Variants in THSD7B observed in about 807,000 individuals in gnomAD.
THSD7B encodes thrombospondin type-1 domain-containing protein 7B.
A neutral mutation model predicts 213.6 loss-of-function variants in THSD7B; 138 were observed. The ratio of observed to expected loss-of-function variants is 0.65; its 90% CI spans 0.56 to 0.74. The LOEUF is 0.74. Among genes scored for constraint, THSD7B ranks in the 30% least tolerant of loss-of-function variants. THSD7B has a pLI of 0.00. For missense variants in THSD7B, 1,931 were observed against 1,991.5 expected, an observed-to-expected ratio of 0.97 and a Z score of 0.58; for synonymous variants, 742 against 687.0, an observed-to-expected ratio of 1.08 and a Z score of -1.25.
At chr2:137,074,087 A>G (rs367547375) in intron 3 of THSD7B, among the ~76,000 whole-genome samples, 10,940 of 145,464 alleles carry the variant, frequency 0.075, 610 homozygotes, top group African/African-American at 0.15. Flanking sequence ...GAGTTTTGTA[A>G]ATGTCTATTA....
intron 12 of THSD7B, among the ~76,000 whole-genome samples, chr2:137,364,619 A>T (rs746280331): frequency 7.5e-4 from 114 of 152,226 alleles, no homozygotes; most frequent in Admixed American, 4.6e-4. Flanking sequence ...GAGCCAAATC[A>T]TGAGTAATCT....
chr2:137,034,496 C>T (rs1457633073), intron 2 of THSD7B, among the ~76,000 whole-genome samples: 6 of 152,022 alleles, frequency 3.9e-5, no homozygotes, highest in Non-Finnish European at 8.8e-5. Context: ...ATACATGGGC[C>T]GAAGTGGTTT....
chr2:137,304,352 A>G (rs970560737), intron 12 of THSD7B, among the ~76,000 whole-genome samples: 6 of 152,308 alleles, frequency 3.9e-5, no homozygotes, highest in Middle Eastern at 3.4e-3. Context: ...AATTTTGAGA[A>G]GTAGAGATGC....
chr2:137,304,260 TA>T (rs1449264009), intron 12 of THSD7B, among the ~76,000 whole-genome samples: 1 of 152,140 alleles, frequency 6.6e-6, no homozygotes, highest in Admixed American at 6.5e-5. Context: ...CACTAATGTC[TA>T]AACACCAAGC....
intron 2 of THSD7B, among the ~76,000 whole-genome samples, chr2:136,923,854 C>T (rs1684477618): frequency 6.6e-6 from 1 of 152,126 alleles, no homozygotes; most frequent in African/African-American, 2.4e-5. Context: ...TGGATACTAA[C>T]TCCTTATCAG....
At chr2:137,593,949 G>GTGGAA (rs1253846413) in intron 17 of THSD7B, among the ~76,000 whole-genome samples, 7 of 152,070 alleles carry the variant, frequency 4.6e-5, no homozygotes, top group Non-Finnish European at 8.8e-5. Flanking sequence ...TTATGTATGT[G>GTGGAA]TGGAATGGTT....
At chr2:137,583,901 G>T (rs895128161) in intron 17 of THSD7B, among the ~76,000 whole-genome samples, 1 of 152,162 alleles carries the variant, frequency 6.6e-6, no homozygotes, top group African/African-American at 2.4e-5. Context: ...TGATGGGGAT[G>T]ACATTGAATC....
chr2:136,847,760 A>G (rs1683034650), intron 1 of THSD7B, among the ~76,000 whole-genome samples: 1 of 152,166 alleles, frequency 6.6e-6, no homozygotes, highest in African/African-American at 2.4e-5. Flanking sequence ...TGTAAGCAGA[A>G]CTTTGTCTTT....
At chr2:137,541,747 G>A (rs1680612880) in intron 15 of THSD7B, among the ~76,000 whole-genome samples, 1 of 151,574 alleles carries the variant, frequency 6.6e-6, no homozygotes, top group Non-Finnish European at 1.5e-5. Context: ...ACAAAATAAA[G>A]AATATCAATT....
intron 17 of THSD7B, among the ~76,000 whole-genome samples, chr2:137,597,404 A>G (rs1681982797): frequency 1.3e-5 from 2 of 151,966 alleles, no homozygotes; most frequent in South Asian, 4.2e-4. Flanking sequence ...GCCAGCTGTA[A>G]AGGTCATTTC....
intron 2 of THSD7B, among the ~76,000 whole-genome samples, chr2:136,981,370 C>G (rs1685574710): frequency 6.6e-6 from 1 of 152,142 alleles, no homozygotes; most frequent in South Asian, 2.1e-4. Flanking sequence ...ACACTATGGG[C>G]CCTGGGATGT....
Position 137,662,173 on chromosome 2 carries a change from C to T in THSD7B, c.4459-1210C>T, listed in dbSNP as rs535139480. Among the ~76,000 whole-genome samples the T allele has an allele frequency of 9.3e-5, 14 of 150,326 alleles. No homozygotes were observed. In the East Asian group the frequency reaches 2.7e-3, roughly 29 times the overall value. Reference sequence around the variant, plus strand: ...CGCCTCCTGGGTTCACGCCATTCTCCTGCCTCAGCCTCCCAAGTAGCTAGG... The same window carrying T: ...CGCCTCCTGGGTTCACGCCATTCTCTTGCCTCAGCCTCCCAAGTAGCTAGG... On this transcript the variant is annotated intron_variant, in intron 25 of 27. Transcript: ENST00000409968.
chr2:137,389,234 T>G (rs1484015399), intron 12 of THSD7B, among the ~76,000 whole-genome samples: 12 of 136,916 alleles, frequency 8.8e-5, no homozygotes, highest in African/African-American at 1.2e-4. Flanking sequence ...ATAATATATA[T>G]ATATAGAGAG....
chr2:137,247,296 C>G lies in THSD7B; in HGVS notation c.2266+4724C>G, dbSNP rs149792706. Among the ~76,000 whole-genome samples, 523 of 152,244 alleles carry G rather than the reference C, an allele frequency of 3.4e-3. 2 individuals carry two copies. The highest frequency in any genetic ancestry group is 0.012 in the African/African-American group (504 of 41,544). On this transcript the variant is annotated intron_variant, in intron 10 of 27. Coordinates refer to ENST00000409968, the MANE Select transcript of THSD7B (RefSeq NM_001316349.2). The stretch of plus-strand genomic sequence containing the variant: ...TGCATAAATGAATGCAATGTGAATA[C>G]AAAGTATTAATGGTTAATACAATGT...
intron 14 of THSD7B, among the ~76,000 whole-genome samples, chr2:137,415,693 A>G (rs1404723078): frequency 3.4e-5 from 5 of 145,424 alleles, no homozygotes; most frequent in Non-Finnish European, 7.5e-5. Context: ...TTTTTTTCAA[A>G]GAACAGGACA....
intron 12 of THSD7B, among the ~76,000 whole-genome samples, chr2:137,351,371 C>A (rs1171255784): frequency 6.6e-6 from 1 of 151,872 alleles, no homozygotes; most frequent in African/African-American, 2.4e-5. Flanking sequence ...TTCAGCAGGA[C>A]ACAATATTTC....
At chr2:137,209,703 A>G (rs1420324094) in intron 7 of THSD7B, among the ~76,000 whole-genome samples, 1 of 152,130 alleles carries the variant, frequency 6.6e-6, no homozygotes, top group Non-Finnish European at 1.5e-5. Context: ...ACTATTTGAA[A>G]GTTAGACAAG....
chr2:137,391,050 T>G (rs1404247861), intron 12 of THSD7B, among the ~76,000 whole-genome samples: 1 of 152,050 alleles, frequency 6.6e-6, no homozygotes, highest in South Asian at 2.1e-4. Context: ...GTTCTTCATA[T>G]GTTTGGTGAA....
intron 15 of THSD7B, among the ~76,000 whole-genome samples, chr2:137,553,536 G>A (rs1314560851): frequency 6.6e-6 from 1 of 152,044 alleles, no homozygotes; most frequent in African/African-American, 2.4e-5. Context: ...CTCCGGAACT[G>A]GCAAAATTAT....
Sources: allele counts gnomAD v4.1 joint callset (sites outside exome capture counted in the v4.1 genomes callset), GRCh38; gene constraint gnomAD v4.1.1; transcripts MANE v1.5; gene names NCBI Gene and HGNC (gene_info 2026-07-23, HGNC 2026-07-21).